Variants in SLC67A2 observed in about 807,000 individuals in gnomAD.
SLC67A2 encodes solute carrier family 67 member A2.
chr2:102,721,715 CTTTAT>C, the SLC67A2 span, among the ~76,000 whole-genome samples: 5 of 151,488 alleles, frequency 3.3e-5, no homozygotes, highest in African/African-American at 1.2e-4. Context: ...ATATGTATGT[CTTTAT>C]TTGAGACAGG....
the SLC67A2 span, chr2:102,723,825 T>C: frequency 6.2e-7 from 1 of 1,614,194 alleles, no homozygotes; most frequent in Non-Finnish European, 8.5e-7. Flanking sequence ...TGTGTTGAAG[T>C]GTCCGATTAC....
the SLC67A2 span, among the ~76,000 whole-genome samples, chr2:102,727,626 T>C: frequency 6.6e-6 from 1 of 152,238 alleles, no homozygotes; most frequent in African/African-American, 2.4e-5. Context: ...AATAGGCATC[T>C]TCATAGCAAA....
At chr2:102,736,856 C>G in the SLC67A2 span, 7 of 1,547,684 alleles carry the variant, frequency 4.5e-6, no homozygotes, top group African/African-American at 9.6e-5. Context: ...CGCGGACCTA[C>G]CCCGGGAGCC....
chr2:102,727,084 G>A, the SLC67A2 span: 7 of 1,186,578 alleles, frequency 5.9e-6, no homozygotes, highest in South Asian at 1.1e-4. Context: ...TTCAGTGTCA[G>A]ATCCTCAGAT....
chr2:102,731,880 G>A, the SLC67A2 span: 1 of 306,126 alleles, frequency 3.3e-6, no homozygotes, highest in South Asian at 3.1e-5. Context: ...ATGATGTGTT[G>A]GTGACGGTGT....
chr2:102,722,282 A>G, the SLC67A2 span, among the ~76,000 whole-genome samples: 1 of 152,244 alleles, frequency 6.6e-6, no homozygotes, highest in African/African-American at 2.4e-5. Flanking sequence ...CAGGCCTGGT[A>G]CAATGCCCTC....
the SLC67A2 span, among the ~76,000 whole-genome samples, chr2:102,724,429 C>A: frequency 2.0e-5 from 3 of 152,254 alleles, no homozygotes; most frequent in South Asian, 6.2e-4. Flanking sequence ...TGAACCAATA[C>A]CAATGGATTT....
the SLC67A2 span, chr2:102,718,843 C>A: frequency 6.2e-7 from 1 of 1,613,956 alleles, no homozygotes; most frequent in South Asian, 1.1e-5. Context: ...CAAGGCCGGC[C>A]ACGGCCCCCA....
the SLC67A2 span, chr2:102,723,877 C>T: frequency 1.2e-6 from 2 of 1,614,036 alleles, no homozygotes; most frequent in Non-Finnish European, 8.5e-7. Context: ...GAAAGTAGAG[C>T]CCTTGAGATG....
chr2:102,723,384 G>A, the SLC67A2 span, among the ~76,000 whole-genome samples: 2 of 152,084 alleles, frequency 1.3e-5, no homozygotes, highest in Non-Finnish European at 2.9e-5. Context: ...CAGGAGAATC[G>A]CTTGAATCTG....
the SLC67A2 span, chr2:102,732,502 T>C: frequency 1.9e-6 from 2 of 1,056,560 alleles, no homozygotes; most frequent in Non-Finnish European, 2.7e-6. Flanking sequence ...AAAACCAATA[T>C]CTAAAATTTT....
At chr2:102,732,923 G>A in the SLC67A2 span, among the ~76,000 whole-genome samples, 1 of 152,176 alleles carries the variant, frequency 6.6e-6, no homozygotes, top group Non-Finnish European at 1.5e-5. Flanking sequence ...GGGCTTTGGG[G>A]TCAGGCAGAC....
chr2:102,723,809 G>A, the SLC67A2 span: 41 of 1,614,144 alleles, frequency 2.5e-5, no homozygotes, highest in Non-Finnish European at 3.1e-5. Flanking sequence ...AGCCCACACC[G>A]GAGGCTGTGT....
chr2:102,725,709 TG>T, the SLC67A2 span, among the ~76,000 whole-genome samples: 114,108 of 152,094 alleles, frequency 0.75, 42,845 homozygotes, highest in East Asian at 0.77. Flanking sequence ...TTAAGAATGT[TG>T]GGGGGGCTGA....
the SLC67A2 span, chr2:102,732,355 G>A: frequency 5.1e-5 from 83 of 1,613,586 alleles, 1 homozygote; most frequent in East Asian, 1.8e-3. Context: ...CTTGCTCCAA[G>A]GGACTTGACA....
the SLC67A2 span, among the ~76,000 whole-genome samples, chr2:102,719,901 G>A: frequency 1.2e-4 from 18 of 152,236 alleles, no homozygotes; most frequent in East Asian, 1.4e-3. Flanking sequence ...TGCTTGTGCA[G>A]GTCACACCTG....
At chr2:102,725,500 C>T in the SLC67A2 span, among the ~76,000 whole-genome samples, 1 of 152,178 alleles carries the variant, frequency 6.6e-6, no homozygotes, top group Non-Finnish European at 1.5e-5. Flanking sequence ...GAATTATGAA[C>T]AGTACACACC....
At chr2:102,723,557 G>T in the SLC67A2 span, 2 of 591,174 alleles carry the variant, frequency 3.4e-6, no homozygotes, top group Non-Finnish European at 2.6e-6. Flanking sequence ...AAAACACTAG[G>T]GGGGGTTCCT....
At chr2:102,736,829 T>C in the SLC67A2 span, 5 of 1,588,192 alleles carry the variant, frequency 3.1e-6, no homozygotes, top group Non-Finnish European at 4.3e-6. Context: ...CGGCCGGGGG[T>C]CGGACGCAGC....
Sources: allele counts gnomAD v4.1 joint callset (sites outside exome capture counted in the v4.1 genomes callset), GRCh38; gene constraint gnomAD v4.1.1; transcripts MANE v1.5; gene names NCBI Gene and HGNC (gene_info 2026-07-23, HGNC 2026-07-21).